VPS13B: variants seen among roughly 807,000 people sequenced by gnomAD.
VPS13B encodes the protein intermembrane lipid transfer protein VPS13B.
Under a neutral mutation model 426.4 loss-of-function variants are expected in VPS13B, and 285 were observed. The observed-to-expected ratio is 0.67, with a 90% CI of 0.61 to 0.74. The LOEUF is 0.74. VPS13B is among the 30% of genes least tolerant of loss of function. The probability of loss-of-function intolerance (pLI) is 0.00; values close to 1 mark genes in which losing one functional copy is unlikely to be tolerated. For missense variants in VPS13B, 4,537 were observed against 4,782.6 expected (o/e 0.95, Z 1.51); for synonymous variants, 1,676 against 1,676.4 (o/e 1.00, Z 0.01).
At chr8:99,243,814 A>G (rs943740111) in intron 17 of VPS13B, among the ~76,000 whole-genome samples, 4 of 152,230 alleles carry the variant, frequency 2.6e-5, no homozygotes, top group Non-Finnish European at 5.9e-5. Flanking sequence ...GCTCATGCCC[A>G]GATGTCTTTC....
At chr8:99,826,255 G>T (rs1395112603) in intron 51 of VPS13B, among the ~76,000 whole-genome samples, 1 of 152,128 alleles carries the variant, frequency 6.6e-6, no homozygotes, top group African/African-American at 2.4e-5. Context: ...TTGAGCAGTG[G>T]TACATAGTTC....
Position 99,784,409 on chromosome 8 carries a change from A to T in VPS13B, c.7874A>T (p.Asp2625Val). ...ETLRFGQVDT[D>V]ENILLASLHS... ...CTGCGGTTTGGCCAGGTGGATACTGATGAAAATATTCTGCTGGCGAGTCTC... is the reference window on the plus strand; with the variant it reads ...CTGCGGTTTGGCCAGGTGGATACTGTTGAAAATATTCTGCTGGCGAGTCTC... The change falls in exon 43 of 62, where the codon GAT becomes GTT. Residue 2625 changes from aspartate to valine, a missense_variant. Asp to Val is a radical substitution (Grantham distance 152). This residue lies in a region of VPS13B where 4,311 missense variants were observed against 4,474.3 expected (regional missense o/e 0.96). Coordinates refer to ENST00000357162, the MANE Select transcript of VPS13B (RefSeq NM_152564.5). The T allele has an allele frequency of 6.2e-7, 1 of 1,613,754 alleles. No individual in the cohort carries two copies. The highest frequency in any genetic ancestry group is 8.5e-7 in the Non-Finnish European group (1 of 1,179,720).
At chr8:99,696,951 G>T in intron 35 of VPS13B, 1 of 673,680 alleles carries the variant, frequency 1.5e-6, no homozygotes, top group East Asian at 2.9e-5. Flanking sequence ...CTGAGGAGGG[G>T]TGGACAACCT....
At chr8:99,332,842 C>T (rs1810618000) in intron 19 of VPS13B, among the ~76,000 whole-genome samples, 1 of 151,596 alleles carries the variant, frequency 6.6e-6, no homozygotes, top group Non-Finnish European at 1.5e-5. Context: ...GCATTAATCT[C>T]ATGTTGATAG....
At chr8:99,023,116 G>A (rs1273271995) in intron 2 of VPS13B, among the ~76,000 whole-genome samples, 4 of 151,920 alleles carry the variant, frequency 2.6e-5, no homozygotes, top group Admixed American at 1.3e-4. Context: ...AGCCTCCCAA[G>A]TAGCTAGGAC....
chr8:99,723,932 G>A (rs1417864944), intron 39 of VPS13B, among the ~76,000 whole-genome samples: 3 of 152,134 alleles, frequency 2.0e-5, no homozygotes, highest in East Asian at 1.9e-4. Context: ...AACTTGGATC[G>A]AGGAACAGAT....
At position 99,605,842 on chromosome 8, in the gene VPS13B, A is replaced by G. The variant is rs774107979; in HGVS notation, c.5220+28209A>G. Among the ~76,000 whole-genome samples, 5 of 152,282 alleles carry G rather than the reference A, an allele frequency of 3.3e-5. 1 individual carries two copies. Among genetic ancestry groups the G allele is most frequent in the Non-Finnish European group, 1.5e-5 (1 of 68,024 alleles). The stretch of plus-strand genomic sequence containing the variant: ...ACAAAATTAGGTTCAGGGTCATAAA[A>G]TGGCCTGTGCAAGTAAGAGGCCTTG... On this transcript the variant is annotated intron_variant, in intron 33 of 61. Coordinates refer to ENST00000357162, the MANE Select transcript of VPS13B (RefSeq NM_152564.5).
intron 19 of VPS13B, among the ~76,000 whole-genome samples, chr8:99,345,622 A>G (rs1310697708): frequency 6.6e-6 from 1 of 152,042 alleles, no homozygotes; most frequent in African/African-American, 2.4e-5. Flanking sequence ...CTATTTTTTT[A>G]TGCCCCTTTT....
chr8:99,567,404 G>T (rs979695181), intron 31 of VPS13B, among the ~76,000 whole-genome samples: 1 of 150,612 alleles, frequency 6.6e-6, no homozygotes, highest in Non-Finnish European at 1.5e-5. Flanking sequence ...AATAGACGTA[G>T]CACTTGTGAT....
At chr8:99,078,947 T>C (rs1315379190) in intron 3 of VPS13B, among the ~76,000 whole-genome samples, 1 of 152,028 alleles carries the variant, frequency 6.6e-6, no homozygotes, top group African/African-American at 2.4e-5. Context: ...CCGCAGATAG[T>C]GCACATGGTA....
intron 22 of VPS13B, among the ~76,000 whole-genome samples, chr8:99,440,286 C>T (rs1817617313): frequency 6.6e-6 from 1 of 151,962 alleles, no homozygotes; most frequent in Non-Finnish European, 1.5e-5. Context: ...CTCAGAGGGT[C>T]CCAACCAGAT....
At chr8:99,645,408 G>T (rs1829542442) in intron 34 of VPS13B, among the ~76,000 whole-genome samples, 3 of 152,176 alleles carry the variant, frequency 2.0e-5, no homozygotes, top group South Asian at 4.1e-4. Context: ...ATAGTGAAAA[G>T]AATACTTAAC....
chr8:99,685,797 A>G (rs1392190641), intron 35 of VPS13B, among the ~76,000 whole-genome samples: 1 of 152,162 alleles, frequency 6.6e-6, no homozygotes, highest in African/African-American at 2.4e-5. Flanking sequence ...ACTATTTTGA[A>G]TTCTCTGTCT....
At chr8:99,021,055 T>C (rs941380906) in intron 2 of VPS13B, among the ~76,000 whole-genome samples, 2 of 152,240 alleles carry the variant, frequency 1.3e-5, no homozygotes, top group African/African-American at 4.8e-5. Flanking sequence ...CCCTATTTCT[T>C]GAAAATTAGG....
chr8:99,057,879 G>A (rs554995340), intron 3 of VPS13B, among the ~76,000 whole-genome samples: 3 of 152,182 alleles, frequency 2.0e-5, no homozygotes, highest in Admixed American at 6.5e-5. Flanking sequence ...GTATCTATTA[G>A]CTTTCATTGG....
chr8:99,520,826 A>C, intron 29 of VPS13B, 73 bp from the exon 30 acceptor site: 1 of 1,225,268 alleles, frequency 8.2e-7, no homozygotes, highest in East Asian at 2.3e-5. Context: ...CCATTCCCTC[A>C]AAGATTTCTC....
At chr8:99,077,649 A>C (rs1340137105) in intron 3 of VPS13B, among the ~76,000 whole-genome samples, 1 of 151,880 alleles carries the variant, frequency 6.6e-6, no homozygotes, top group Non-Finnish European at 1.5e-5. Context: ...TTCTCTCGCT[A>C]TTTTTAGAAT....
intron 43 of VPS13B, among the ~76,000 whole-genome samples, chr8:99,808,971 A>G (rs1813556377): frequency 6.6e-6 from 1 of 152,160 alleles, no homozygotes. Context: ...TTAAAAAAAA[A>G]ACCCACAAAC....
chr8:99,169,040 C>T (rs151081972), intron 15 of VPS13B, among the ~76,000 whole-genome samples: 23 of 151,902 alleles, frequency 1.5e-4, no homozygotes, highest in African/African-American at 5.5e-4. Flanking sequence ...ATTTTATGCT[C>T]ATTAAATAGT....
Sources: allele counts gnomAD v4.1 joint callset (sites outside exome capture counted in the v4.1 genomes callset), GRCh38; gene constraint gnomAD v4.1.1; regional missense constraint gnomAD v4.1.1; transcripts MANE v1.5; gene names NCBI Gene and HGNC (gene_info 2026-07-23, HGNC 2026-07-21).